The following FRMD4B variants were observed in gnomAD, a reference collection of about 807,000 sequenced individuals.
FRMD4B encodes the protein FERM domain-containing protein 4B.
A neutral mutation model predicts 141.5 loss-of-function variants in FRMD4B; 74 were observed. The ratio of observed to expected loss-of-function variants is 0.52; its 90% CI spans 0.43 to 0.63. The LOEUF (loss-of-function observed/expected upper bound fraction) is 0.63, where lower values mean the gene tolerates loss of function less well. FRMD4B is among the 30% of genes least tolerant of loss of function. FRMD4B has a pLI of 0.00. For missense variants in FRMD4B, 1,366 were observed against 1,253.4 expected (o/e 1.09, Z -1.36); for synonymous variants, 506 against 467.9 (o/e 1.08, Z -1.05).
chr3:69,324,947 C>T (rs918820977), intron 1 of FRMD4B, among the ~76,000 whole-genome samples: 4 of 151,646 alleles, frequency 2.6e-5, no homozygotes, highest in East Asian at 3.9e-4. Flanking sequence ...ATTAGCCAGG[C>T]GTGTACCTGT....
At position 69,411,946 on chromosome 3, in the gene FRMD4B, C is replaced by T. The variant is rs911478349; in HGVS notation, c.-1+20688G>A. On this transcript the variant is annotated intron_variant, in intron 2 of 5. Transcript: ENST00000459638. ...AGTGGCTGAGTGTTCAGAAATACAG[C>T]AGGAATATTACCCACTTGCTAATCT... 4.6e-5 allele frequency among the ~76,000 whole-genome samples: 7 copies of T among 152,172 alleles called. No homozygotes were observed. In the East Asian group the frequency reaches 1.2e-3, roughly 25 times the overall value.
intron 4 of FRMD4B, among the ~76,000 whole-genome samples, chr3:69,288,424 C>T (rs1479054807): frequency 1.3e-5 from 2 of 152,254 alleles, no homozygotes; most frequent in Admixed American, 1.3e-4. Context: ...CAGCAGCCAT[C>T]AATCTTGGTC....
chr3:69,513,472 A>G (rs1315457345), intron 1 of FRMD4B, among the ~76,000 whole-genome samples: 1 of 152,194 alleles, frequency 6.6e-6, no homozygotes, highest in Non-Finnish European at 1.5e-5. Context: ...TCTGCCAAAC[A>G]TTTGAAAAAG....
intron 11 of FRMD4B, among the ~76,000 whole-genome samples, chr3:69,207,750 G>A (rs1158422584): frequency 6.6e-6 from 1 of 151,976 alleles, no homozygotes; most frequent in African/African-American, 2.4e-5. Flanking sequence ...AGAGGTTGCT[G>A]TGAGCCAAGA....
intron 1 of FRMD4B, among the ~76,000 whole-genome samples, chr3:69,332,927 A>T (rs1268281520): frequency 1.3e-5 from 2 of 152,212 alleles, no homozygotes; most frequent in Admixed American, 1.3e-4. Context: ...GTCCTTAACA[A>T]GAGCATTCAC....
intron 11 of FRMD4B, chr3:69,200,506 T>C (rs1177155554): frequency 2.0e-6 from 2 of 1,021,976 alleles, no homozygotes; most frequent in African/African-American, 3.5e-5. Flanking sequence ...CTCCGGTGAG[T>C]TCTGAACTGA....
chr3:69,481,768 C>G (rs1379380426), intron 1 of FRMD4B, among the ~76,000 whole-genome samples: 1 of 152,180 alleles, frequency 6.6e-6, no homozygotes, highest in Non-Finnish European at 1.5e-5. Context: ...ATTCAAGAAT[C>G]TGATCCCAGA....
At position 69,250,107 on chromosome 3, in the gene FRMD4B, T is replaced by C; in HGVS notation, c.502-8A>G. ...CTCTACTTCGATTTGCCCCTGTTGA[T>C]GGAAAAGGAAAGCATCATTGAACAT... On this transcript the variant is annotated splice_region_variant and splice_polypyrimidine_tract_variant and intron_variant, in intron 5 of 22. Coordinates refer to ENST00000398540, the MANE Select transcript of FRMD4B (RefSeq NM_015123.3). 2 of 1,598,762 alleles carry C rather than the reference T, an allele frequency of 1.3e-6. No homozygotes were observed.
chr3:69,513,275 T>C (rs922040020), intron 1 of FRMD4B, among the ~76,000 whole-genome samples: 4 of 152,118 alleles, frequency 2.6e-5, no homozygotes, highest in African/African-American at 4.8e-5. Context: ...CAATGAACAA[T>C]TGTATACCAA....
intron 5 of FRMD4B, among the ~76,000 whole-genome samples, chr3:69,260,620 A>C (rs1025442002): frequency 6.6e-6 from 1 of 152,216 alleles, no homozygotes; most frequent in African/African-American, 2.4e-5. Flanking sequence ...TCGACCGCCT[A>C]AGGGCTGAGG....
Position 69,213,776 on chromosome 3 carries a change from C to T in FRMD4B, c.876+2487G>A, listed in dbSNP as rs192992433. ...CTCCCAGGCTCAAGTGATCCTTCTA[C>T]CTCAGCCTCCTGTATAACTGGGACT... is the stretch of plus-strand genomic sequence containing the variant. On this transcript the variant is annotated intron_variant, in intron 11 of 22. Coordinates refer to ENST00000398540, the MANE Select transcript of FRMD4B (RefSeq NM_015123.3). 1.3e-4 allele frequency among the ~76,000 whole-genome samples: 19 copies of T among 151,828 alleles called. No homozygotes were observed. In the East Asian group the frequency reaches 3.7e-3, roughly 30 times the overall value.
At chr3:69,330,393 C>T (rs1365321431) in intron 1 of FRMD4B, among the ~76,000 whole-genome samples, 1 of 118,970 alleles carries the variant, frequency 8.4e-6, no homozygotes, top group African/African-American at 3.3e-5. Flanking sequence ...GTCACCCAGG[C>T]GGGAGTGCAA....
rs941456603 is a variant in FRMD4B, at chr3:69,521,780, G to A, written c.-129+20426C>T. ...CCCTCTTCCTAGGAATACCCACCCCGCAGACATTCCCATGGCGGGGTCTTT... is the reference window on the plus strand; with the variant it reads ...CCCTCTTCCTAGGAATACCCACCCCACAGACATTCCCATGGCGGGGTCTTT... On this transcript the variant is annotated intron_variant, in intron 1 of 5. Coordinates refer to the FRMD4B transcript ENST00000459638. 4.6e-5 allele frequency among the ~76,000 whole-genome samples: 7 copies of A among 152,170 alleles called. No homozygotes were observed. In the South Asian group the frequency reaches 6.2e-4, roughly 14 times the overall value.
chr3:69,499,324 G>A (rs1248021257), intron 1 of FRMD4B, among the ~76,000 whole-genome samples: 2 of 152,148 alleles, frequency 1.3e-5, no homozygotes, highest in African/African-American at 4.8e-5. Flanking sequence ...GTTCCTGCTA[G>A]GTCCTGTGTG....
intron 7 of FRMD4B, among the ~76,000 whole-genome samples, chr3:69,235,575 C>G (rs991115384): frequency 6.6e-6 from 1 of 151,824 alleles, no homozygotes; most frequent in Non-Finnish European, 1.5e-5. Flanking sequence ...AGAAGAATCG[C>G]TTGAGCCTGG....
intron 1 of FRMD4B, among the ~76,000 whole-genome samples, chr3:69,503,765 A>T (rs1388316073): frequency 6.6e-6 from 1 of 152,158 alleles, no homozygotes; most frequent in African/African-American, 2.4e-5. Flanking sequence ...TATACTTCCC[A>T]CTTTGGAGAT....
At chr3:69,311,200 G>A in intron 3 of FRMD4B, 63 bp downstream of exon 3, 1 of 722,256 alleles carries the variant, frequency 1.4e-6, no homozygotes, top group Non-Finnish European at 2.4e-6. Context: ...TGTTAATTAT[G>A]GAAGACAGCA....
chr3:69,324,099 A>G (rs1214640282), intron 1 of FRMD4B, among the ~76,000 whole-genome samples: 1 of 152,136 alleles, frequency 6.6e-6, no homozygotes, highest in East Asian at 1.9e-4. Flanking sequence ...GGCAGCTGCT[A>G]AAAATGGTGT....
intron 1 of FRMD4B, among the ~76,000 whole-genome samples, chr3:69,334,840 C>T (rs1702490448): frequency 6.6e-6 from 1 of 152,162 alleles, no homozygotes; most frequent in Admixed American, 6.5e-5. Flanking sequence ...TGACACAAGC[C>T]AGAGAGTCAA....
Sources: gnomAD v4.1 joint callset for allele counts (sites outside exome capture counted in the v4.1 genomes callset) on GRCh38, gnomAD v4.1.1 for gene constraint, MANE v1.5 for transcripts, NCBI Gene and HGNC (gene_info 2026-07-23, HGNC 2026-07-21) for gene names.